UBR2: variants seen among roughly 807,000 people sequenced by gnomAD.
UBR2 encodes the protein ubiquitin protein ligase E3 component n-recognin 2, also known as E3 ubiquitin-protein ligase UBR2.
UBR2 carries 92 observed loss-of-function variants against 247.9 expected under a neutral mutation model. The ratio of observed to expected loss-of-function variants is 0.37; its 90% CI spans 0.31 to 0.44. The LOEUF is 0.44. UBR2 is among the 20% of genes least tolerant of loss of function. The pLI, the probability that UBR2 is intolerant of heterozygous loss-of-function variation, is 1.00. For missense variants in UBR2, 1,613 were observed against 2,112.6 expected (o/e 0.76, Z 4.64); for synonymous variants, 672 against 693.5 (o/e 0.97, Z 0.49).
At chr6:42,567,166 A>C (rs1035573030) in intron 1 of UBR2, among the ~76,000 whole-genome samples, 3 of 152,034 alleles carry the variant, frequency 2.0e-5, no homozygotes, top group Admixed American at 6.6e-5. Context: ...TCCACATTTC[A>C]TTTACACACC....
intron 7 of UBR2, among the ~76,000 whole-genome samples, chr6:42,609,895 CAA>C (rs111670532): frequency 2.3e-4 from 15 of 64,638 alleles, no homozygotes; most frequent in African/African-American, 1.9e-4. Flanking sequence ...AACCCTGTTA[CAA>C]AAAAAAAAAA....
chr6:42,574,016 C>T, intron 2 of UBR2, 23 bp downstream of exon 2: 10 of 1,528,282 alleles, frequency 6.5e-6, no homozygotes, highest in Non-Finnish European at 7.9e-6. Context: ...AATTTTCTTT[C>T]TAGGAGGCTC....
intron 9 of UBR2, 119 bp from the exon 10 acceptor site, chr6:42,615,883 C>T: frequency 1.4e-6 from 1 of 709,718 alleles, no homozygotes. Flanking sequence ...CACAGCAAGA[C>T]ACTGTCTCAA....
In UBR2 at chr6:42,635,438, T is replaced by C; in HGVS notation, c.1566T>C (p.Arg522=). ...TTAAGGGAATGGATCCAATTACACG[T>C]CAAGTAGGACAACATATTGAAATGG... ...KCMQGMDPIT[R]QVGQHIEMEP... is the part of the protein sequence containing the mutation. The change falls in exon 14 of 47, where the codon CGT becomes CGC. Residue 522 remains arginine (R), a synonymous_variant. Coordinates refer to ENST00000372901, the MANE Select transcript of UBR2 (RefSeq NM_001363705.2). 1 of 1,613,776 alleles carries C rather than the reference T, an allele frequency of 6.2e-7. No individual in the cohort carries two copies. Among genetic ancestry groups the C allele is most frequent in the Non-Finnish European group, 8.5e-7 (1 of 1,179,814 alleles).
chr6:42,614,204 A>T (rs1434653742), intron 8 of UBR2, among the ~76,000 whole-genome samples: 1,060 of 58,950 alleles, frequency 0.018, 83 homozygotes, highest in Non-Finnish European at 0.022. Flanking sequence ...AAAAAAAAAA[A>T]ACTATATATA....
At chr6:42,681,162 C>CAAAAAA (rs59312824) in intron 42 of UBR2, among the ~76,000 whole-genome samples, 1 of 50,578 alleles carries the variant, frequency 2.0e-5, no homozygotes, top group Non-Finnish European at 4.6e-5. Context: ...GACTCCGTCT[C>CAAAAAA]AAAAAAAAAA....
chr6:42,564,505 C>A, intron 1 of UBR2, 108 bp downstream of exon 1: 1 of 1,284,518 alleles, frequency 7.8e-7, no homozygotes, highest in Non-Finnish European at 1.1e-6. Context: ...CTTGGGGAAA[C>A]AGCTGTGCCG....
Position 42,648,117 on chromosome 6 carries a change from G to A in UBR2, c.2410-1G>A. ...AACACACTTGTGTCCTGTACCTTTA[G>A]GAGAACAAGGAGACTGGCATGGAGA... On this transcript the variant is annotated splice_acceptor_variant, in intron 21 of 46. Coordinates refer to ENST00000372901, the MANE Select transcript of UBR2 (RefSeq NM_001363705.2). LOFTEE classifies it high-confidence loss of function. 6.2e-7 allele frequency: 1 copy of A among 1,613,482 alleles called. No homozygotes were observed. The highest frequency in any genetic ancestry group is 8.5e-7 in the Non-Finnish European group (1 of 1,179,468).
At chr6:42,666,453 A>G (rs930152548) in intron 34 of UBR2, among the ~76,000 whole-genome samples, 3 of 152,104 alleles carry the variant, frequency 2.0e-5, no homozygotes, top group Admixed American at 1.3e-4. Flanking sequence ...TTGCACCACT[A>G]CATTCCAGTC....
chr6:42,621,075 G>A (rs1051323604), intron 11 of UBR2, among the ~76,000 whole-genome samples: 1 of 151,998 alleles, frequency 6.6e-6, no homozygotes, highest in South Asian at 2.1e-4. Context: ...CACCGCACCC[G>A]GCCGTACTTT....
intron 30 of UBR2, 24 bp from the exon 31 acceptor site, chr6:42,662,160 G>A (rs768625304): frequency 1.4e-6 from 2 of 1,464,980 alleles, no homozygotes; most frequent in Admixed American, 3.9e-5. Flanking sequence ...CTTTTGTTTT[G>A]TTTTGTTTTG....
At position 42,598,762 on chromosome 6, in the gene UBR2, T is replaced by C. The variant is rs1793167113; in HGVS notation, c.531+4458T>C. ...TGATTGTGTTTCCTTTTGTTGAGAC[T>C]TTTGGAAAAAGAGCCAGATGGTTGG... is the stretch of plus-strand genomic sequence containing the variant. On this transcript the variant is annotated intron_variant, in intron 4 of 46. Coordinates refer to ENST00000372901, the MANE Select transcript of UBR2 (RefSeq NM_001363705.2). Among the ~76,000 whole-genome samples, 6 of 152,310 alleles carry C rather than the reference T, an allele frequency of 3.9e-5. No homozygotes were observed. The South Asian group carries it at 1.2e-3, about 32-fold the overall frequency.
At chr6:42,583,336 C>T (rs1792032198) in intron 2 of UBR2, among the ~76,000 whole-genome samples, 1 of 152,112 alleles carries the variant, frequency 6.6e-6, no homozygotes, top group African/African-American at 2.4e-5. Flanking sequence ...CAACCTCTGC[C>T]TCCCGGATTC....
intron 43 of UBR2, among the ~76,000 whole-genome samples, chr6:42,683,335 GT>G: frequency 6.6e-6 from 1 of 152,026 alleles, no homozygotes. Context: ...AAATAACAAA[GT>G]TATATTTTAG....
At chr6:42,605,655 AAT>A in intron 5 of UBR2, 64 bp from the exon 6 acceptor site, 4 of 1,481,400 alleles carry the variant, frequency 2.7e-6, no homozygotes, top group Non-Finnish European at 3.6e-6. Flanking sequence ...GTAGTCTCTT[AAT>A]AAGTCAGCCT....
At chr6:42,674,063 T>C (rs1798584632) in intron 37 of UBR2, 63 bp from the exon 38 acceptor site, 1 of 1,523,684 alleles carries the variant, frequency 6.6e-7, no homozygotes, top group Non-Finnish European at 9.0e-7. Context: ...TTAAAGCAGA[T>C]TATATGCATT....
intron 16 of UBR2, 151 bp downstream of exon 16, chr6:42,640,421 T>TA: frequency 2.2e-4 from 114 of 510,578 alleles, no homozygotes; most frequent in South Asian, 4.3e-4. Context: ...TGTGTGTGTG[T>TA]GTGTGTGTGT....
chr6:42,673,970 T>A, intron 37 of UBR2, 83 bp downstream of exon 37: 1 of 1,288,828 alleles, frequency 7.8e-7, no homozygotes, highest in South Asian at 1.3e-5. Flanking sequence ...CTCTCAGTAA[T>A]GAATTAAATA....
chr6:42,653,234 A>G (rs151114438), intron 25 of UBR2, among the ~76,000 whole-genome samples: 1 of 152,152 alleles, frequency 6.6e-6, no homozygotes, highest in East Asian at 1.9e-4. Flanking sequence ...ACAGGCATGC[A>G]TCACAACATC....
Sources: gnomAD v4.1 joint callset for allele counts (sites outside exome capture counted in the v4.1 genomes callset) on GRCh38, gnomAD v4.1.1 for gene constraint, MANE v1.5 for transcripts, NCBI Gene and HGNC (gene_info 2026-07-23, HGNC 2026-07-21) for gene names.